NAV3: variants seen among roughly 807,000 people sequenced by gnomAD.
The protein encoded by NAV3 is neuron navigator 3.
In NAV3, 87 loss-of-function variants were observed where a neutral mutation model predicts 244.7. The observed-to-expected ratio is 0.36, with a 90% CI of 0.30 to 0.42. NAV3 has a LOEUF of 0.42. NAV3 is among the 20% of genes least tolerant of loss of function. The pLI, the probability that NAV3 is intolerant of heterozygous loss-of-function variation, is 1.00. For synonymous variants in NAV3, 1,126 were observed against 1,042.2 expected, an observed-to-expected ratio of 1.08 and a Z score of -1.55; for missense variants, 2,663 against 2,893.3, an observed-to-expected ratio of 0.92 and a Z score of 1.83.
chr12:77,657,153 T>C (rs1418643951), intron 2 of NAV3, among the ~76,000 whole-genome samples: 6 of 152,020 alleles, frequency 3.9e-5, no homozygotes, highest in Non-Finnish European at 8.8e-5. Context: ...CTTCACAAAA[T>C]TAATGAATCC....
At chr12:77,733,909 T>C (rs1228688409) in intron 2 of NAV3, among the ~76,000 whole-genome samples, 1 of 143,188 alleles carries the variant, frequency 7.0e-6, no homozygotes, top group East Asian at 2.0e-4. Flanking sequence ...AAATGAGAGG[T>C]GAGGGAGTAA....
chr12:78,081,219 T>C (rs574910446), intron 12 of NAV3, among the ~76,000 whole-genome samples: 1 of 151,924 alleles, frequency 6.6e-6, no homozygotes, highest in East Asian at 1.9e-4. Context: ...GAGAGAGAGG[T>C]TGATTATTTT....
At position 77,952,332 on chromosome 12, in the gene NAV3, C is replaced by T. The variant is rs116867370; in HGVS notation, c.414+11199C>T. ...TTGCATGTAGATGTCCAGCTCGTCT[C>T]GCACTATTTGTTGAAAAGTTGATCT... On this transcript the variant is annotated intron_variant, in intron 3 of 39. Coordinates refer to ENST00000397909, the MANE Select transcript of NAV3 (RefSeq NM_001024383.2). 3.4e-3 allele frequency among the ~76,000 whole-genome samples: 511 copies of T among 152,214 alleles called. 1 individual carries two copies. The highest frequency in any genetic ancestry group is 0.013 in the South Asian group (63 of 4,824).
intron 2 of NAV3, among the ~76,000 whole-genome samples, chr12:77,592,540 C>A (rs1869954030): frequency 1.3e-5 from 2 of 152,090 alleles, no homozygotes; most frequent in Admixed American, 6.6e-5. Context: ...TCACACAATC[C>A]TTTTTATAAT....
chr12:78,176,856 A>G (rs1312665079), intron 26 of NAV3, among the ~76,000 whole-genome samples: 1 of 152,132 alleles, frequency 6.6e-6, no homozygotes. Context: ...AGATCCCTTC[A>G]AGGTACTTAG....
At chr12:78,092,660 C>T (rs1045098260) in intron 12 of NAV3, among the ~76,000 whole-genome samples, 2 of 151,692 alleles carry the variant, frequency 1.3e-5, no homozygotes, top group Admixed American at 1.3e-4. Flanking sequence ...CCACCATGCC[C>T]GGCTAATTTT....
At chr12:78,047,017 G>T (rs1881916709) in intron 9 of NAV3, among the ~76,000 whole-genome samples, 1 of 152,030 alleles carries the variant, frequency 6.6e-6, no homozygotes, top group Non-Finnish European at 1.5e-5. Flanking sequence ...ATATTTGCTG[G>T]TTTAAAGTCT....
chr12:77,700,203 ACT>A, intron 2 of NAV3, among the ~76,000 whole-genome samples: 1 of 152,178 alleles, frequency 6.6e-6, no homozygotes, highest in East Asian at 1.9e-4. Context: ...AGGTGGGCAA[ACT>A]CTGGCTTTTA....
rs1030311441 is a variant in NAV3 at position 78,118,118 on chromosome 12, A to G, written c.2861A>G (p.His954Arg). The G allele has an allele frequency of 1.2e-6, 2 of 1,614,096 alleles. No individual in the cohort carries two copies. Among genetic ancestry groups the G allele is most frequent in the African/African-American group, 1.3e-5 (1 of 75,032 alleles). The part of the protein sequence containing the change: ...LKKPEEDFDS[H>R]GDAGGKWKTV... Reference sequence around the variant, plus strand: ...AAACCAGAAGAAGATTTTGACAGCCATGGGGATGCTGGTGGCAAGTGGAAG... The same window carrying G: ...AAACCAGAAGAAGATTTTGACAGCCGTGGGGATGCTGGTGGCAAGTGGAAG... Residue 954 changes from histidine to arginine, a missense_variant, in exon 14 of 40, where the codon CAT becomes CGT. Physicochemically the swap from His to Arg is conservative, Grantham distance 29. This residue lies in a region of NAV3 where 1,521 missense variants were observed against 1,497.0 expected (regional missense o/e 1.02). Coordinates refer to ENST00000397909, the MANE Select transcript of NAV3 (RefSeq NM_001024383.2).
At chr12:77,743,725 C>A (rs1868393887) in intron 2 of NAV3, among the ~76,000 whole-genome samples, 1 of 151,634 alleles carries the variant, frequency 6.6e-6, no homozygotes, top group Non-Finnish European at 1.5e-5. Context: ...TATATGATTC[C>A]ATATGTATAT....
intron 2 of NAV3, among the ~76,000 whole-genome samples, chr12:77,812,427 T>C (rs1872330734): frequency 6.6e-6 from 1 of 152,204 alleles, no homozygotes; most frequent in African/African-American, 2.4e-5. Context: ...ACTTTTATTT[T>C]TTTGAGACAG....
At chr12:78,204,469 T>A (rs1960075862) in intron 38 of NAV3, among the ~76,000 whole-genome samples, 1 of 152,162 alleles carries the variant, frequency 6.6e-6, no homozygotes, top group Admixed American at 6.6e-5. Flanking sequence ...ACAGTTTGAG[T>A]AGAGTGAATT....
chr12:78,020,546 A>G (rs911926004), intron 8 of NAV3, among the ~76,000 whole-genome samples: 3 of 152,144 alleles, frequency 2.0e-5, no homozygotes, highest in Admixed American at 2.0e-4. Context: ...TTTCTTTCAT[A>G]TATTAATTCA....
At chr12:78,154,359 T>C (rs953222850) in intron 22 of NAV3, among the ~76,000 whole-genome samples, 5 of 140,816 alleles carry the variant, frequency 3.6e-5, no homozygotes, top group Non-Finnish European at 7.7e-5. Context: ...CTATATAATA[T>C]ATAAATATAT....
chr12:77,619,180 T>G (rs1174285487), intron 2 of NAV3, among the ~76,000 whole-genome samples: 1 of 152,224 alleles, frequency 6.6e-6, no homozygotes. Context: ...ATATTATCAC[T>G]GCCAACCGTG....
rs1030688803 is a variant in NAV3 at position 78,151,052 on chromosome 12, G to A, written c.4785+2133G>A. Among the ~76,000 whole-genome samples, 9 of 146,066 alleles carry A rather than the reference G, an allele frequency of 6.2e-5. No homozygotes were observed. The South Asian group carries it at 1.9e-3, about 31-fold the overall frequency. On this transcript the variant is annotated intron_variant, in intron 22 of 39. Coordinates refer to ENST00000397909, the MANE Select transcript of NAV3 (RefSeq NM_001024383.2). ...AAACATCTATAGTGTTTCCCTAGGG[G>A]AACAATCATTTAAAAAAAAATAAAA...
intron 12 of NAV3, among the ~76,000 whole-genome samples, chr12:78,088,063 T>C (rs988049059): frequency 6.6e-6 from 1 of 150,966 alleles, no homozygotes; most frequent in South Asian, 2.1e-4. Context: ...ATACATGATA[T>C]ATCTCATATA....
intron 20 of NAV3, among the ~76,000 whole-genome samples, chr12:78,142,635 T>C (rs1194170780): frequency 1.4e-5 from 2 of 146,572 alleles, no homozygotes; most frequent in African/African-American, 5.1e-5. Context: ...GAATATGAAA[T>C]GGGAACACAG....
chr12:77,868,061 G>A (rs1001466844), intron 1 of NAV3, among the ~76,000 whole-genome samples: 2 of 151,746 alleles, frequency 1.3e-5, no homozygotes, highest in Admixed American at 1.3e-4. Context: ...TCTTAGCCAA[G>A]TTTGAATCAT....
Sources: allele counts gnomAD v4.1 joint callset (sites outside exome capture counted in the v4.1 genomes callset), GRCh38; gene constraint gnomAD v4.1.1; regional missense constraint gnomAD v4.1.1; transcripts MANE v1.5; gene names NCBI Gene and HGNC (gene_info 2026-07-23, HGNC 2026-07-21).